PPP2R2B: variants seen among roughly 807,000 people sequenced by gnomAD.
The protein encoded by PPP2R2B is protein phosphatase 2 regulatory subunit Bbeta.
PPP2R2B carries 5 observed loss-of-function variants against 46.0 expected under a neutral mutation model. That is an observed-to-expected ratio of 0.11 (90% CI 0.06 to 0.23). PPP2R2B has a LOEUF of 0.23. PPP2R2B is among the 10% of genes least tolerant of loss of function. The probability of loss-of-function intolerance (pLI) is 1.00; values close to 1 mark genes in which losing one functional copy is unlikely to be tolerated. For synonymous variants in PPP2R2B, 215 were observed against 206.7 expected, an observed-to-expected ratio of 1.04 and a Z score of -0.34; for missense variants, 367 against 575.0, an observed-to-expected ratio of 0.64 and a Z score of 3.70.
intron 1 of PPP2R2B, among the ~76,000 whole-genome samples, chr5:146,900,711 G>C (rs902493803): frequency 1.3e-5 from 2 of 151,914 alleles, no homozygotes; most frequent in African/African-American, 2.4e-5. Context: ...ACGGTGATTT[G>C]CTGTGCCCAT....
At chr5:146,973,510 G>A (rs555140651) in intron 1 of PPP2R2B, among the ~76,000 whole-genome samples, 1 of 152,320 alleles carries the variant, frequency 6.6e-6, no homozygotes, top group East Asian at 1.9e-4. Flanking sequence ...AGATAAGGGT[G>A]CAGATCCTTG....
At chr5:146,877,118 A>C (rs1015881465) in intron 2 of PPP2R2B, among the ~76,000 whole-genome samples, 1 of 146,642 alleles carries the variant, frequency 6.8e-6, no homozygotes. Flanking sequence ...GCAAAAATGC[A>C]AAAGTTTTGG....
chr5:146,667,972 T>A (rs1198443703), intron 5 of PPP2R2B, among the ~76,000 whole-genome samples: 1 of 152,196 alleles, frequency 6.6e-6, no homozygotes, highest in Non-Finnish European at 1.5e-5. Context: ...TTGGGTCTCA[T>A]CCTTGTCCCT....
At chr5:147,076,703 A>T (rs1757776948) in intron 2 of PPP2R2B, among the ~76,000 whole-genome samples, 1 of 152,164 alleles carries the variant, frequency 6.6e-6, no homozygotes, top group Non-Finnish European at 1.5e-5. Flanking sequence ...TCTTTAGCCT[A>T]AGCACTTTTA....
At chr5:146,938,452 A>T (rs1159121992) in intron 1 of PPP2R2B, among the ~76,000 whole-genome samples, 1 of 152,056 alleles carries the variant, frequency 6.6e-6, no homozygotes. Flanking sequence ...ACTCTGACCT[A>T]GCAATTATAT....
At chr5:146,651,929 T>C (rs371322867) in intron 5 of PPP2R2B, among the ~76,000 whole-genome samples, 7 of 152,322 alleles carry the variant, frequency 4.6e-5, no homozygotes, top group Middle Eastern at 3.4e-3. Context: ...AACTCACCTA[T>C]GCGGGAGTTT....
chr5:146,690,803 T>C (rs1231011154), intron 5 of PPP2R2B, among the ~76,000 whole-genome samples: 1 of 152,234 alleles, frequency 6.6e-6, no homozygotes, highest in Admixed American at 6.5e-5. Context: ...TGGATTCTCA[T>C]CCCTGTACCT....
intron 1 of PPP2R2B, among the ~76,000 whole-genome samples, chr5:146,886,884 T>C (rs1387570948): frequency 2.0e-5 from 3 of 151,758 alleles, no homozygotes; most frequent in Non-Finnish European, 4.4e-5. Context: ...ATGAAACTTG[T>C]ATAGAAAAGA....
intron 9 of PPP2R2B, among the ~76,000 whole-genome samples, chr5:146,591,309 C>T (rs190288713): frequency 4.6e-5 from 7 of 152,252 alleles, no homozygotes; most frequent in South Asian, 2.1e-4. Flanking sequence ...TTTTTGGGCA[C>T]GTTGTCACCT....
intron 6 of PPP2R2B, among the ~76,000 whole-genome samples, chr5:146,643,775 G>C (rs189630311): frequency 1.3e-5 from 2 of 152,112 alleles, no homozygotes; most frequent in South Asian, 4.1e-4. Context: ...AAGGCATATG[G>C]TATAATCCCA....
At chr5:146,970,188 A>G (rs990018199) in intron 1 of PPP2R2B, among the ~76,000 whole-genome samples, 2 of 152,090 alleles carry the variant, frequency 1.3e-5, no homozygotes, top group Admixed American at 6.6e-5. Flanking sequence ...GAGAACAACT[A>G]TTTCCTCAAG....
At chr5:146,964,760 C>T (rs1467274135) in intron 1 of PPP2R2B, among the ~76,000 whole-genome samples, 2 of 151,978 alleles carry the variant, frequency 1.3e-5, no homozygotes, top group East Asian at 1.9e-4. Context: ...TTCCTGACCT[C>T]GTGATCCACC....
intron 1 of PPP2R2B, among the ~76,000 whole-genome samples, chr5:147,039,110 G>A (rs949907571): frequency 7.2e-5 from 11 of 152,170 alleles, no homozygotes; most frequent in Admixed American, 5.2e-4. Context: ...GCTCCCCACT[G>A]GGCTCTTCGC....
intron 1 of PPP2R2B, among the ~76,000 whole-genome samples, chr5:146,987,736 C>A (rs978157657): frequency 2.6e-5 from 4 of 151,822 alleles, no homozygotes; most frequent in Admixed American, 2.6e-4. Flanking sequence ...ATAAAACAAT[C>A]AGAAATCAAC....
chr5:146,865,325 C>T (rs993621970), intron 2 of PPP2R2B, among the ~76,000 whole-genome samples: 59 of 150,198 alleles, frequency 3.9e-4, no homozygotes, highest in African/African-American at 1.5e-3. Context: ...CACACACACA[C>T]ACACTGAGCC....
At chr5:147,012,173 C>T (rs1028860310) in intron 1 of PPP2R2B, among the ~76,000 whole-genome samples, 1 of 151,522 alleles carries the variant, frequency 6.6e-6, no homozygotes, top group Non-Finnish European at 1.5e-5. Flanking sequence ...CTCCTTGTAC[C>T]TCTGGTAGAA....
rs1350475137 is a variant in PPP2R2B at position 146,587,137 on chromosome 5, G to C, written c.*2810C>G. 6.6e-6 allele frequency: 1 copy of C among 152,202 alleles called. No homozygotes were observed. Among genetic ancestry groups the C allele is most frequent in the Non-Finnish European group, 1.5e-5 (1 of 68,038 alleles). The allele number at this position is 152,202 out of a possible 1,614,324, so 9.4% of individuals were successfully genotyped here. The stretch of plus-strand genomic sequence containing the variant: ...CAAATCAGCCTTCAAGTAGTTTTTA[G>C]TGTCAGCAGGAAAACAGACTGACTT... On this transcript the variant is annotated 3_prime_UTR_variant, in exon 10 of 10. Transcript: ENST00000394411.
chr5:147,048,467 G>A (rs1378994629), intron 1 of PPP2R2B, among the ~76,000 whole-genome samples: 2 of 152,148 alleles, frequency 1.3e-5, no homozygotes, highest in Non-Finnish European at 2.9e-5. Context: ...ACAGGGCCTG[G>A]TAAGTAATGA....
intron 7 of PPP2R2B, among the ~76,000 whole-genome samples, chr5:146,620,501 G>T (rs1773588063): frequency 6.6e-6 from 1 of 152,190 alleles, no homozygotes; most frequent in African/African-American, 2.4e-5. Context: ...GGAGCCTAAT[G>T]AAGAAATCTG....
Sources: allele counts gnomAD v4.1 joint callset (sites outside exome capture counted in the v4.1 genomes callset), GRCh38; gene constraint gnomAD v4.1.1; transcripts MANE v1.5; gene names NCBI Gene and HGNC (gene_info 2026-07-23, HGNC 2026-07-21).